The following CWC27 variants were observed in gnomAD, a reference collection of about 807,000 sequenced individuals.
The protein encoded by CWC27 is CWC27 spliceosome associated cyclophilin.
A neutral mutation model predicts 63.6 loss-of-function variants in CWC27; 47 were observed. The observed-to-expected ratio is 0.74, with a 90% confidence interval of 0.58 to 0.94. The LOEUF (loss-of-function observed/expected upper bound fraction) is 0.94, where lower values mean the gene tolerates loss of function less well. CWC27 is among the 40% of genes least tolerant of loss of function. The pLI is 0.00. For synonymous variants in CWC27, 175 were observed against 179.8 expected (o/e 0.97, Z 0.22); for missense variants, 495 against 554.3 (o/e 0.89, Z 1.07).
At chr5:64,775,884 A>G (rs901250442) in intron 2 of CWC27, among the ~76,000 whole-genome samples, 10 of 152,020 alleles carry the variant, frequency 6.6e-5, no homozygotes, top group African/African-American at 2.4e-4. Flanking sequence ...ATTTTTAGAG[A>G]CAGTTTTATT....
chr5:64,920,758 T>G (rs1333375464), intron 11 of CWC27, among the ~76,000 whole-genome samples: 1 of 152,236 alleles, frequency 6.6e-6, no homozygotes, highest in East Asian at 1.9e-4. Context: ...TCTCTAATAG[T>G]TTCCAAGGAT....
At chr5:64,808,812 A>T (rs1468051777) in intron 10 of CWC27, among the ~76,000 whole-genome samples, 1 of 152,212 alleles carries the variant, frequency 6.6e-6, no homozygotes, top group Non-Finnish European at 1.5e-5. Context: ...ACCGCACATT[A>T]GGCTCACGGA....
intron 10 of CWC27, among the ~76,000 whole-genome samples, chr5:64,839,992 C>G (rs1745759289): frequency 6.6e-6 from 1 of 152,022 alleles, no homozygotes; most frequent in East Asian, 1.9e-4. Flanking sequence ...TTATAAACCC[C>G]CTTAGATCTA....
intron 11 of CWC27, among the ~76,000 whole-genome samples, chr5:64,947,433 AT>A (rs562983306): frequency 1.9e-3 from 285 of 152,222 alleles, no homozygotes; most frequent in African/African-American, 6.5e-3. Flanking sequence ...CTGTCTGATA[AT>A]AGTTGAGTCC....
At chr5:64,817,475 T>G (rs1745072406) in intron 10 of CWC27, among the ~76,000 whole-genome samples, 1 of 152,128 alleles carries the variant, frequency 6.6e-6, no homozygotes, top group Non-Finnish European at 1.5e-5. Context: ...AGAAATCATT[T>G]TTTTCTACAA....
intron 10 of CWC27, among the ~76,000 whole-genome samples, chr5:64,855,884 T>C (rs1016843899): frequency 6.6e-6 from 1 of 152,136 alleles, no homozygotes; most frequent in African/African-American, 2.4e-5. Flanking sequence ...AAAGAAATTC[T>C]TTCCTGTTTT....
chr5:64,984,819 C>A (rs149933039), intron 13 of CWC27, among the ~76,000 whole-genome samples: 19 of 152,150 alleles, frequency 1.2e-4, no homozygotes, highest in African/African-American at 4.3e-4. Context: ...GATTTATTTC[C>A]TTTTACAGGT....
chr5:64,796,736 C>A (rs76936023), intron 7 of CWC27, among the ~76,000 whole-genome samples: 2,849 of 147,798 alleles, frequency 0.019, 105 homozygotes, highest in African/African-American at 0.069. Flanking sequence ...GCTCCTGTGT[C>A]CCTTCCTCCT....
intron 11 of CWC27, among the ~76,000 whole-genome samples, chr5:64,917,683 C>A (rs1028294136): frequency 6.6e-6 from 1 of 152,136 alleles, no homozygotes; most frequent in African/African-American, 2.4e-5. Context: ...GGAGGAACTC[C>A]ATCTGCCTAT....
chr5:64,783,230 A>G (rs1346930803), intron 3 of CWC27, among the ~76,000 whole-genome samples: 1 of 152,202 alleles, frequency 6.6e-6, no homozygotes, highest in African/African-American at 2.4e-5. Context: ...AGAGACTAAT[A>G]TATTTGTTAA....
At chr5:64,829,344 G>C (rs955382079) in intron 10 of CWC27, among the ~76,000 whole-genome samples, 2 of 151,992 alleles carry the variant, frequency 1.3e-5, no homozygotes, top group Admixed American at 6.6e-5. Flanking sequence ...ATGTTATTTA[G>C]AATAGGTAAA....
intron 10 of CWC27, among the ~76,000 whole-genome samples, chr5:64,829,951 T>C (rs1458548382): frequency 6.6e-6 from 1 of 151,304 alleles, no homozygotes; most frequent in South Asian, 2.1e-4. Flanking sequence ...GCTTCATCCA[T>C]GTCCCTGCAA....
Position 64,971,757 on chromosome 5 carries a change from A to C in CWC27, c.1097A>C (p.Lys366Thr). 1 of 1,612,414 alleles carries C rather than the reference A, an allele frequency of 6.2e-7. No homozygotes were observed. The highest frequency in any genetic ancestry group is 8.5e-7 in the Non-Finnish European group (1 of 1,179,334). ...AVAEYRREKQ[K>T]YEALRKQQSK... ...GCCGAATACAGAAGAGAAAAGCAAA[A>C]GTATGAAGCTTTGAGGAAGCAACAG... The change falls in exon 12 of 14, where the codon AAG becomes ACG. Residue 366 changes from lysine to threonine, a missense_variant. By Grantham distance (78) the Lys-to-Thr change is moderately conservative (BLOSUM62 -1). Coordinates refer to ENST00000381070, the MANE Select transcript of CWC27 (RefSeq NM_005869.4).
chr5:64,860,054 T>A (rs546230903), intron 10 of CWC27, among the ~76,000 whole-genome samples: 116 of 152,324 alleles, frequency 7.6e-4, no homozygotes, highest in Admixed American at 1.8e-3. Context: ...AGGCCCATTT[T>A]TAAATTGAGG....
chr5:64,999,608 C>T (rs1029115442), intron 13 of CWC27, among the ~76,000 whole-genome samples: 3 of 152,070 alleles, frequency 2.0e-5, no homozygotes, highest in Non-Finnish European at 4.4e-5. Context: ...CTCTGCCTGG[C>T]TTATTTCACT....
chr5:64,891,265 T>C (rs1447571119), intron 11 of CWC27, among the ~76,000 whole-genome samples: 1 of 152,186 alleles, frequency 6.6e-6, no homozygotes, highest in African/African-American at 2.4e-5. Context: ...AGTTCTCTTA[T>C]CTAGACTATT....
intron 13 of CWC27, among the ~76,000 whole-genome samples, chr5:64,989,702 G>A (rs532012893): frequency 2.6e-5 from 4 of 152,130 alleles, no homozygotes; most frequent in African/African-American, 4.8e-5. Flanking sequence ...TGCTCTTGTG[G>A]GTGCTGTTTG....
intron 11 of CWC27, among the ~76,000 whole-genome samples, chr5:64,920,922 TC>T (rs1747983998): frequency 1.3e-5 from 2 of 152,150 alleles, no homozygotes; most frequent in Admixed American, 1.3e-4. Flanking sequence ...ATTTTATTGA[TC>T]TTTTTTATGG....
intron 10 of CWC27, among the ~76,000 whole-genome samples, chr5:64,829,977 C>CT (rs146220063): frequency 0.36 from 42,351 of 117,636 alleles, 7,857 homozygotes; most frequent in East Asian, 0.51. Context: ...ATGAACTCAT[C>CT]TTTTTTTTTT....
Sources: gnomAD v4.1 joint callset for allele counts (sites outside exome capture counted in the v4.1 genomes callset) on GRCh38, gnomAD v4.1.1 for gene constraint, MANE v1.5 for transcripts, NCBI Gene and HGNC (gene_info 2026-07-23, HGNC 2026-07-21) for gene names.